Variants in SHROOM2 observed in about 807,000 individuals in gnomAD.
The protein encoded by SHROOM2 is protein Shroom2.
In SHROOM2, 33 loss-of-function variants were observed where a neutral mutation model predicts 75.9. That is an observed-to-expected ratio of 0.43 (90% CI 0.33 to 0.58). SHROOM2 has a LOEUF of 0.58. Ranked by LOEUF, SHROOM2 falls within the 20% of genes least tolerant of loss-of-function variation. SHROOM2 has a pLI of 0.04. For missense variants in SHROOM2, 1,434 were observed against 1,461.2 expected, an observed-to-expected ratio of 0.98 and a Z score of 0.30; for synonymous variants, 655 against 663.6, an observed-to-expected ratio of 0.99 and a Z score of 0.20.
intron 1 of SHROOM2, among the ~76,000 whole-genome samples, chrX:9,791,562 G>C (rs2083647841): frequency 8.9e-6 from 1 of 112,318 alleles, no homozygotes; most frequent in South Asian, 3.7e-4. Flanking sequence ...GTAGTCAGCA[G>C]TGGGGCAATT....
chrX:9,945,030 A>G (rs775300155), intron 9 of SHROOM2, 117 bp downstream of exon 9: 15 of 721,909 alleles, frequency 2.1e-5, no homozygotes, highest in African/African-American at 1.9e-4. Flanking sequence ...TGGCCTGTCC[A>G]CCTCCTCCTG....
At chrX:9,937,014 GGGT>G in intron 6 of SHROOM2, 117 bp from the exon 7 acceptor site, 7 of 707,019 alleles carry the variant, frequency 9.9e-6, no homozygotes, top group Non-Finnish European at 1.4e-5. Context: ...CCTTCGAGTT[GGGT>G]GGCTGGCTAG....
intron 5 of SHROOM2, among the ~76,000 whole-genome samples, chrX:9,931,906 T>C (rs1481964109): frequency 9.1e-6 from 1 of 110,490 alleles, no homozygotes; most frequent in African/African-American, 3.3e-5. Context: ...TGTGTGTGTA[T>C]GTGTGTCTGT....
chrX:9,888,505 G>A (rs1405142296), intron 2 of SHROOM2, among the ~76,000 whole-genome samples: 1 of 111,433 alleles, frequency 9.0e-6, no homozygotes, highest in Admixed American at 9.5e-5. Flanking sequence ...GTGCAGTAGC[G>A]CAAACACGGC....
At chrX:9,928,734 CAT>C (rs1262396886) in intron 5 of SHROOM2, among the ~76,000 whole-genome samples, 3 of 111,522 alleles carry the variant, frequency 2.7e-5, no homozygotes, top group Non-Finnish European at 1.9e-5. Context: ...CATCTACACA[CAT>C]ACACAACCCA....
rs997927969 is a variant in SHROOM2 at position 9,800,337 on chromosome X, A to G, written c.165+13627A>G. On this transcript the variant is annotated intron_variant, in intron 1 of 9. Transcript: ENST00000380913. Reference sequence around the variant, plus strand: ...AGAAGGCTTATTTATTTTATGTATTATTATTATTATTATTATTATTTGAGA... The same window carrying G: ...AGAAGGCTTATTTATTTTATGTATTGTTATTATTATTATTATTATTTGAGA... 1.1e-4 allele frequency among the ~76,000 whole-genome samples: 12 copies of G among 107,437 alleles called. 1 individual carries two copies. Among genetic ancestry groups the G allele is most frequent in the Admixed American group, 9.9e-4 (10 of 10,080 alleles). 93.3% of individuals were successfully genotyped at this position (107,437 alleles called of 115,157 possible).
intron 5 of SHROOM2, among the ~76,000 whole-genome samples, chrX:9,919,657 G>GA (rs1423619510): frequency 9.0e-6 from 1 of 110,588 alleles, no homozygotes; most frequent in East Asian, 2.8e-4. Flanking sequence ...TTCAGAACAG[G>GA]AATGGCTTCC....
chrX:9,857,344 G>A (rs972183421), intron 1 of SHROOM2, among the ~76,000 whole-genome samples: 6 of 111,067 alleles, frequency 5.4e-5, no homozygotes, highest in Admixed American at 1.9e-4. Context: ...ATTTTAGGGG[G>A]AGTGGGGATG....
At chrX:9,885,043 C>G (rs1358680724) in intron 2 of SHROOM2, among the ~76,000 whole-genome samples, 4 of 111,103 alleles carry the variant, frequency 3.6e-5, no homozygotes, top group Non-Finnish European at 7.5e-5. Context: ...GACTTCATCT[C>G]TTTAAAAAAT....
chrX:9,891,232 G>A, intron 3 of SHROOM2, 124 bp downstream of exon 3: 1 of 858,016 alleles, frequency 1.2e-6, no homozygotes. Context: ...AATCACAGTT[G>A]GAGGGCTCTG....
chrX:9,922,501 T>C (rs2084555268), intron 5 of SHROOM2, among the ~76,000 whole-genome samples: 1 of 110,348 alleles, frequency 9.1e-6, no homozygotes, highest in Admixed American at 9.6e-5. Context: ...TTGAGCTTCA[T>C]GTAAACTGGA....
rs765851896 is a variant in SHROOM2, at chrX:9,806,312, C to G, written c.165+19602C>G. ...GCCCATGAACATGTTCTAGTTTTCA[C>G]AAGAAGAAAATGAACTTTTAGGTCC... On this transcript the variant is annotated intron_variant, in intron 1 of 9. Coordinates refer to ENST00000380913, the MANE Select transcript of SHROOM2 (RefSeq NM_001649.4). Among the ~76,000 whole-genome samples the G allele has an allele frequency of 4.5e-5, 5 of 110,073 alleles. No individual in the cohort carries two copies. The South Asian group carries it at 1.5e-3, about 34-fold the overall frequency.
At chrX:9,903,312 T>C (rs1188060888) in intron 5 of SHROOM2, among the ~76,000 whole-genome samples, 1 of 112,427 alleles carries the variant, frequency 8.9e-6, no homozygotes, top group East Asian at 2.8e-4. Flanking sequence ...TAATTATGAA[T>C]AGACTGTGCT....
intron 1 of SHROOM2, among the ~76,000 whole-genome samples, chrX:9,860,211 A>G (rs766945813): frequency 1.8e-5 from 2 of 111,977 alleles, no homozygotes; most frequent in East Asian, 5.6e-4. Context: ...CCCTCACGGC[A>G]AAGAATGATC....
At chrX:9,808,644 C>T (rs765451088) in intron 1 of SHROOM2, among the ~76,000 whole-genome samples, 1,951 of 110,317 alleles carry the variant, frequency 0.018, 21 homozygotes, top group Middle Eastern at 0.047. Context: ...GGTGGATCAC[C>T]TGAGGTCAGG....
intron 1 of SHROOM2, among the ~76,000 whole-genome samples, chrX:9,787,977 C>T (rs866844628): frequency 5.6e-5 from 5 of 89,930 alleles, no homozygotes; most frequent in African/African-American, 1.8e-4. Flanking sequence ...CTTTTCTTTT[C>T]TTTCTTTCTT....
chrX:9,828,230 C>A (rs192777329), intron 1 of SHROOM2, among the ~76,000 whole-genome samples: 90 of 112,074 alleles, frequency 8.0e-4, no homozygotes, highest in African/African-American at 2.8e-3. Flanking sequence ...AACTGCATGG[C>A]GGGGGAATGC....
At chrX:9,842,262 C>T (rs2083983191) in intron 1 of SHROOM2, among the ~76,000 whole-genome samples, 1 of 112,284 alleles carries the variant, frequency 8.9e-6, no homozygotes, top group East Asian at 2.8e-4. Flanking sequence ...TTTTACTTCA[C>T]GATTGCTGCA....
intron 6 of SHROOM2, among the ~76,000 whole-genome samples, chrX:9,936,100 C>CTTTTTTTTTTTTTTTTTTTTTT (rs199560073): frequency 9.2e-6 from 1 of 108,908 alleles, no homozygotes; most frequent in African/African-American, 3.5e-5. Context: ...CATCCAGAAA[C>CTTTTTTTTTTTTTTTTTTTTTT]TTTTCTTTTT....
Sources: gnomAD v4.1 joint callset for allele counts (sites outside exome capture counted in the v4.1 genomes callset) on GRCh38, gnomAD v4.1.1 for gene constraint, MANE v1.5 for transcripts, NCBI Gene and HGNC (gene_info 2026-07-23, HGNC 2026-07-21) for gene names.